The following ACSL3 variants were observed in gnomAD, a reference collection of about 807,000 sequenced individuals.
ACSL3 encodes acyl-CoA synthetase long chain family member 3.
ACSL3 carries 34 observed loss-of-function variants against 84.7 expected under a neutral mutation model. The ratio of observed to expected loss-of-function variants is 0.40; its 90% CI spans 0.31 to 0.53. The LOEUF (loss-of-function observed/expected upper bound fraction) is 0.53, where lower values mean the gene tolerates loss of function less well. Among genes scored for constraint, ACSL3 ranks in the 20% least tolerant of loss-of-function variants. The pLI, the probability that ACSL3 is intolerant of heterozygous loss-of-function variation, is 0.48. For synonymous variants in ACSL3, 315 were observed against 299.4 expected (o/e 1.05, Z -0.54); for missense variants, 680 against 873.1 (o/e 0.78, Z 2.79).
intron 1 of ACSL3, among the ~76,000 whole-genome samples, chr2:222,873,381 C>T (rs985382403): frequency 1.3e-5 from 2 of 152,106 alleles, no homozygotes; most frequent in African/African-American, 4.8e-5. Flanking sequence ...AGTGTCTTCT[C>T]TAAGTTTACT....
chr2:222,906,873 A>G (rs1696307324), intron 3 of ACSL3, among the ~76,000 whole-genome samples: 1 of 152,172 alleles, frequency 6.6e-6, no homozygotes, highest in South Asian at 2.1e-4. Flanking sequence ...CTGGCCTCCC[A>G]AAGTACTGGG....
rs1233275971 is a variant in ACSL3 at position 222,921,489 on chromosome 2, C to T, written c.956+59C>T. Reference sequence around the variant, plus strand: ...GTATTTATGTCTGTTATAATGTTAGCATTTGTGTCATTTTATTAATATATG... The same window carrying T: ...GTATTTATGTCTGTTATAATGTTAGTATTTGTGTCATTTTATTAATATATG... On this transcript the variant is annotated intron_variant, in intron 8 of 16. Coordinates refer to ENST00000357430, the MANE Select transcript of ACSL3 (RefSeq NM_004457.5). 1.2e-5 allele frequency: 18 copies of T among 1,440,650 alleles called. No individual in the cohort carries two copies. In the East Asian group the frequency reaches 3.9e-4, roughly 31 times the overall value. 89.2% of individuals were successfully genotyped at this position (1,440,650 alleles called of 1,614,324 possible). A position where few individuals can be genotyped will look rare whatever the true frequency, so the allele number is the denominator to read the frequency against.
At chr2:222,912,672 A>G (rs576880103) in intron 4 of ACSL3, among the ~76,000 whole-genome samples, 9 of 152,302 alleles carry the variant, frequency 5.9e-5, no homozygotes, top group Middle Eastern at 3.4e-3. Context: ...TCTTATCCCA[A>G]CAGTCTATTT....
chr2:222,878,832 A>T (rs1414014966), intron 1 of ACSL3, among the ~76,000 whole-genome samples: 1 of 152,100 alleles, frequency 6.6e-6, no homozygotes, highest in Non-Finnish European at 1.5e-5. Context: ...CCCTTACTCT[A>T]TACATCCTAC....
chr2:222,923,013 A>G, intron 9 of ACSL3, 65 bp from the exon 10 acceptor site: 7 of 1,413,718 alleles, frequency 5.0e-6, no homozygotes, highest in Non-Finnish European at 5.9e-6. Flanking sequence ...TTTTTGATCT[A>G]AGAATACCAT....
intron 8 of ACSL3, among the ~76,000 whole-genome samples, chr2:222,922,274 C>T (rs765150593): frequency 6.6e-6 from 1 of 152,166 alleles, no homozygotes; most frequent in East Asian, 1.9e-4. Flanking sequence ...GTGGATTCTA[C>T]TTTAACTCTT....
chr2:222,914,839 T>C (rs1178497013), intron 4 of ACSL3, among the ~76,000 whole-genome samples: 2 of 152,248 alleles, frequency 1.3e-5, no homozygotes, highest in Non-Finnish European at 2.9e-5. Flanking sequence ...GTAATATTTA[T>C]GAAAAACATA....
At chr2:222,923,053 T>C (rs773522343) in intron 9 of ACSL3, 25 bp from the exon 10 acceptor site, 20 of 1,573,510 alleles carry the variant, frequency 1.3e-5, no homozygotes, top group Non-Finnish European at 1.7e-5. Context: ...TCACTTTATA[T>C]GGATCACTTT....
At chr2:222,919,505 A>G in intron 7 of ACSL3, 1 of 218,832 alleles carries the variant, frequency 4.6e-6, no homozygotes, top group Non-Finnish European at 9.1e-6. Flanking sequence ...TTAGTTTATA[A>G]ATAATGACAT....
chr2:222,873,870 C>G (rs749573356), intron 1 of ACSL3, among the ~76,000 whole-genome samples: 2 of 151,508 alleles, frequency 1.3e-5, no homozygotes, highest in Non-Finnish European at 3.0e-5. Flanking sequence ...ATTAAATATT[C>G]ACAGAAGTGG....
At chr2:222,922,353 A>AC (rs1259845136) in intron 8 of ACSL3, among the ~76,000 whole-genome samples, 1 of 152,088 alleles carries the variant, frequency 6.6e-6, no homozygotes, top group Non-Finnish European at 1.5e-5. Context: ...CTTCAAAAGA[A>AC]CCCTGTATTA....
intron 12 of ACSL3, among the ~76,000 whole-genome samples, chr2:222,927,646 A>G (rs1326953269): frequency 6.6e-6 from 1 of 152,224 alleles, no homozygotes; most frequent in Non-Finnish European, 1.5e-5. Context: ...GAATATTATT[A>G]CCAGAGTTTA....
At chr2:222,870,296 T>C (rs933197911) in intron 1 of ACSL3, among the ~76,000 whole-genome samples, 5 of 152,338 alleles carry the variant, frequency 3.3e-5, no homozygotes, top group African/African-American at 7.2e-5. Context: ...CATGTATTCA[T>C]TGATGTGTTT....
rs374547345 is a variant in ACSL3, at chr2:222,898,606, C to T, written c.-147-2068C>T. Among the ~76,000 whole-genome samples the T allele has an allele frequency of 2.2e-4, 33 of 152,254 alleles. No individual in the cohort carries two copies. The East Asian group carries it at 2.7e-3, about 12-fold the overall frequency. On this transcript the variant is annotated intron_variant, in intron 2 of 16. Transcript: ENST00000357430. ...TTGGGAGGCCGAGGCGGGCGGATCA[C>T]GAGGTAGGAGATCGAGACCATCCCG... is the stretch of plus-strand genomic sequence containing the variant.
chr2:222,871,809 C>T (rs1036152820), intron 1 of ACSL3, among the ~76,000 whole-genome samples: 1 of 152,106 alleles, frequency 6.6e-6, no homozygotes, highest in Non-Finnish European at 1.5e-5. Context: ...TACTAACAGC[C>T]TATTCTCATT....
chr2:222,931,975 C>T (rs1213046349), intron 14 of ACSL3, among the ~76,000 whole-genome samples: 1 of 152,120 alleles, frequency 6.6e-6, no homozygotes, highest in Non-Finnish European at 1.5e-5. Context: ...CACAGGAGCC[C>T]AGGAGGCCGT....
intron 11 of ACSL3, among the ~76,000 whole-genome samples, chr2:222,925,634 T>C (rs1282445330): frequency 6.6e-6 from 1 of 152,220 alleles, no homozygotes; most frequent in Non-Finnish European, 1.5e-5. Context: ...TTTGTAATAG[T>C]ATGAGCAGTT....
intron 14 of ACSL3, among the ~76,000 whole-genome samples, chr2:222,932,373 G>T (rs1697054855): frequency 1.3e-5 from 2 of 152,258 alleles, no homozygotes; most frequent in South Asian, 4.2e-4. Flanking sequence ...CTGTCGCCCA[G>T]GCTGGAGTGC....
intron 3 of ACSL3, among the ~76,000 whole-genome samples, chr2:222,907,779 T>C (rs1696331482): frequency 6.6e-6 from 1 of 151,124 alleles, no homozygotes; most frequent in Non-Finnish European, 1.5e-5. Context: ...AAAAAGGTAT[T>C]ATTACCCACC....
Sources: gnomAD v4.1 joint callset for allele counts (sites outside exome capture counted in the v4.1 genomes callset) on GRCh38, gnomAD v4.1.1 for gene constraint, MANE v1.5 for transcripts, NCBI Gene and HGNC (gene_info 2026-07-23, HGNC 2026-07-21) for gene names.